The following PDE11A variants were observed in gnomAD, a reference collection of about 807,000 sequenced individuals.
PDE11A encodes the protein dual 3',5'-cyclic-AMP and -GMP phosphodiesterase 11A.
In PDE11A, 100 loss-of-function variants were observed where a neutral mutation model predicts 100.5. The observed-to-expected ratio is 1.00, with a 90% CI of 0.85 to 1.18. The LOEUF is 1.18. Among genes scored for constraint, PDE11A ranks in the 50% most tolerant of loss-of-function variants. The pLI is 0.00. For missense variants in PDE11A, 1,141 were observed against 1,152.6 expected (o/e 0.99, Z 0.15); for synonymous variants, 381 against 420.8 (o/e 0.91, Z 1.16).
chr2:177,784,757 T>G (rs2082507090), intron 9 of PDE11A, among the ~76,000 whole-genome samples: 1 of 152,216 alleles, frequency 6.6e-6, no homozygotes, highest in African/African-American at 2.4e-5. Flanking sequence ...TGTGACATCT[T>G]TGGCTTATGA....
chr2:177,853,674 ATATATATGTGTGTG>A lies in PDE11A; in HGVS notation c.1368-13305_1368-13292del, dbSNP rs2083764660. 1.2e-4 allele frequency among the ~76,000 whole-genome samples: 4 copies of A among 34,368 alleles called. No individual in the cohort carries two copies. The Admixed American group carries it at 1.8e-3, about 15-fold the overall frequency. 22.5% of individuals were successfully genotyped at this position (34,368 alleles called of 152,430 possible). On this transcript the variant is annotated intron_variant, in intron 5 of 19. Transcript: ENST00000286063. ...TATATATATATATATATATATATAT[ATATATATGTGTGTG>A]TGTGTGTGTGTGTGTGTGTGTGTGT...
At chr2:177,777,844 C>T (rs553213689) in intron 9 of PDE11A, among the ~76,000 whole-genome samples, 17 of 152,280 alleles carry the variant, frequency 1.1e-4, no homozygotes, top group South Asian at 2.1e-4. Context: ...CCACAGAACA[C>T]TTGATGAGCA....
chr2:178,029,719 T>G (rs977623891), intron 1 of PDE11A, among the ~76,000 whole-genome samples: 1 of 152,202 alleles, frequency 6.6e-6, no homozygotes, highest in Non-Finnish European at 1.5e-5. Flanking sequence ...CAATATATAT[T>G]GAAGACAATT....
intron 6 of PDE11A, 94 bp from the exon 7 acceptor site, chr2:177,820,389 T>C (rs1296226460): frequency 1.3e-6 from 1 of 783,522 alleles, no homozygotes; most frequent in East Asian, 2.7e-5. Flanking sequence ...TATTCAAAAA[T>C]AACTTTTTAA....
At chr2:178,092,502 G>A (rs767041157) in intron 2 of PDE11A, 6 of 152,132 alleles carry the variant, frequency 3.9e-5, no homozygotes, top group Non-Finnish European at 7.3e-5. Flanking sequence ...TATTTCCGAA[G>A]TGAAGATGTT....
intron 1 of PDE11A, among the ~76,000 whole-genome samples, chr2:178,021,337 A>G (rs1481998305): frequency 2.0e-5 from 3 of 152,196 alleles, no homozygotes; most frequent in Non-Finnish European, 2.9e-5. Flanking sequence ...TACACTACTT[A>G]TAAGATAATT....
intron 5 of PDE11A, among the ~76,000 whole-genome samples, chr2:177,849,700 G>C (rs1408941510): frequency 2.0e-5 from 3 of 151,488 alleles, no homozygotes; most frequent in African/African-American, 7.3e-5. Flanking sequence ...TGAGGCAGGA[G>C]AATGGCGTGA....
intron 2 of PDE11A, among the ~76,000 whole-genome samples, chr2:177,941,013 G>T (rs2085339989): frequency 1.3e-5 from 2 of 152,114 alleles, no homozygotes; most frequent in Admixed American, 6.5e-5. Flanking sequence ...TTGGGAGAAG[G>T]TTAGGGCTCT....
At position 177,627,540 on chromosome 2, in the gene PDE11A, A is replaced by G. The variant is rs2079855109; in HGVS notation, c.*1867T>C. On this transcript the variant is annotated 3_prime_UTR_variant, in exon 20 of 20. Transcript: ENST00000286063. ...TTAATATCTGTAAAGTTAATGATTG[A>G]TAATGATTAATAACAATAACAAGGG... The G allele has an allele frequency of 6.6e-6, 1 of 152,102 alleles. No homozygotes were observed. The highest frequency in any genetic ancestry group is 2.1e-4 in the South Asian group (1 of 4,826). 9.4% of individuals were successfully genotyped at this position (152,102 alleles called of 1,614,324 possible). A position where few individuals can be genotyped will look rare whatever the true frequency, so the allele number is the denominator to read the frequency against.
At chr2:177,892,171 T>A (rs1471747333) in intron 4 of PDE11A, among the ~76,000 whole-genome samples, 1 of 152,216 alleles carries the variant, frequency 6.6e-6, no homozygotes, top group Non-Finnish European at 1.5e-5. Context: ...TCATATTGGC[T>A]CCCTCATACA....
intron 10 of PDE11A, among the ~76,000 whole-genome samples, chr2:177,735,169 G>C (rs953241594): frequency 1.3e-5 from 2 of 152,102 alleles, no homozygotes; most frequent in Admixed American, 6.5e-5. Flanking sequence ...GGAACCCCCG[G>C]GAGAGTTTAG....
intron 1 of PDE11A, among the ~76,000 whole-genome samples, chr2:178,024,989 G>T (rs17687668): frequency 0.5 from 76,563 of 151,982 alleles, 20,068 homozygotes; most frequent in East Asian, 0.71. Flanking sequence ...AGATTACACT[G>T]CATAAAAACA....
intron 2 of PDE11A, among the ~76,000 whole-genome samples, chr2:178,007,002 A>G (rs2086220692): frequency 6.6e-6 from 1 of 152,222 alleles, no homozygotes; most frequent in Non-Finnish European, 1.5e-5. Flanking sequence ...GGCCAGGCCA[A>G]TACTTGCTTC....
At chr2:177,773,040 T>C (rs1203565575) in intron 9 of PDE11A, among the ~76,000 whole-genome samples, 1 of 152,170 alleles carries the variant, frequency 6.6e-6, no homozygotes, top group Non-Finnish European at 1.5e-5. Context: ...TTCTTTTTTT[T>C]TGAAGAGTCT....
chr2:177,874,321 A>G (rs1446903311), intron 5 of PDE11A, among the ~76,000 whole-genome samples: 1 of 152,224 alleles, frequency 6.6e-6, no homozygotes, highest in Non-Finnish European at 1.5e-5. Context: ...ATCATTTAGC[A>G]TACTACATGG....
intron 1 of PDE11A, among the ~76,000 whole-genome samples, chr2:178,051,452 C>T (rs1398899655): frequency 3.3e-5 from 5 of 152,232 alleles, no homozygotes; most frequent in African/African-American, 4.8e-5. Context: ...CATCAACTAA[C>T]GGGCAAAATA....
At chr2:177,810,210 T>A (rs914352663) in intron 9 of PDE11A, among the ~76,000 whole-genome samples, 1 of 152,220 alleles carries the variant, frequency 6.6e-6, no homozygotes, top group Non-Finnish European at 1.5e-5. Flanking sequence ...TAGCCCAAGC[T>A]TTTCCATTCC....
intron 9 of PDE11A, among the ~76,000 whole-genome samples, chr2:177,800,183 CTT>C (rs11367453): frequency 3.5e-4 from 51 of 145,800 alleles, no homozygotes; most frequent in Admixed American, 2.7e-4. Context: ...AAAAATTTTT[CTT>C]TTTTTTTTTT....
At chr2:177,715,577 C>T (rs1420503505) in intron 12 of PDE11A, among the ~76,000 whole-genome samples, 1 of 151,602 alleles carries the variant, frequency 6.6e-6, no homozygotes, top group Non-Finnish European at 1.5e-5. Context: ...TTCTTATCTC[C>T]TCTTTTCTGT....
Sources: gnomAD v4.1 joint callset for allele counts (sites outside exome capture counted in the v4.1 genomes callset) on GRCh38, gnomAD v4.1.1 for gene constraint, MANE v1.5 for transcripts, NCBI Gene and HGNC (gene_info 2026-07-23, HGNC 2026-07-21) for gene names.